The following CDCA7L variants were observed in gnomAD, a reference collection of about 807,000 sequenced individuals.
The protein encoded by CDCA7L is cell division cycle-associated 7-like protein.
CDCA7L carries 44 observed loss-of-function variants against 57.4 expected under a neutral mutation model. The ratio of observed to expected loss-of-function variants is 0.77; its 90% CI spans 0.60 to 0.98. The LOEUF (loss-of-function observed/expected upper bound fraction) is 0.98. Ranked by LOEUF, CDCA7L falls within the 50% of genes least tolerant of loss-of-function variation. The pLI is 0.00. For missense variants in CDCA7L, 644 were observed against 580.6 expected (o/e 1.11, Z -1.12); for synonymous variants, 236 against 202.8 (o/e 1.16, Z -1.39).
At chr7:21,935,636 A>G (rs146015231) in intron 1 of CDCA7L, among the ~76,000 whole-genome samples, 2 of 152,308 alleles carry the variant, frequency 1.3e-5, no homozygotes, top group African/African-American at 4.8e-5. Flanking sequence ...CTTAAGCTAC[A>G]TGACTAGAAA....
In CDCA7L at chr7:21,903,519, T is replaced by C. The variant is rs773692590; in HGVS notation, c.1198-405A>G. Among the ~76,000 whole-genome samples, 20 of 151,808 alleles carry C rather than the reference T, an allele frequency of 1.3e-4. 1 individual carries two copies. Among genetic ancestry groups the C allele is most frequent in the South Asian group, 6.2e-4 (3 of 4,802 alleles). ...ATGACTAACCTGAGCAGCAGTTTGT[T>C]TGTCTGTCAGTTGAGGACCATATAT... On this transcript the variant is annotated intron_variant, in intron 8 of 9. Transcript: ENST00000406877.
At chr7:21,902,424 C>A in intron 9 of CDCA7L, 72 bp from the exon 10 acceptor site, 1 of 1,408,038 alleles carries the variant, frequency 7.1e-7, no homozygotes, top group South Asian at 1.2e-5. Context: ...TTGAGAGATT[C>A]CACAATCATC....
At chr7:21,918,289 C>A (rs893232144) in intron 1 of CDCA7L, among the ~76,000 whole-genome samples, 1 of 152,178 alleles carries the variant, frequency 6.6e-6, no homozygotes, top group Non-Finnish European at 1.5e-5. Flanking sequence ...ATTATCTGCC[C>A]AAGGCTAACT....
At chr7:21,917,003 G>A in intron 1 of CDCA7L, 109 bp from the exon 2 acceptor site, 4 of 1,332,078 alleles carry the variant, frequency 3.0e-6, no homozygotes, top group Non-Finnish European at 3.2e-6. Context: ...AACTGCCACG[G>A]TTGCCCAGAA....
At chr7:21,942,811 AG>A (rs1369483378) in intron 1 of CDCA7L, among the ~76,000 whole-genome samples, 3 of 152,188 alleles carry the variant, frequency 2.0e-5, no homozygotes, top group African/African-American at 7.2e-5. Context: ...AGACTATTAG[AG>A]TGGCAAATCA....
At chr7:21,919,140 G>A (rs1487765659) in intron 1 of CDCA7L, among the ~76,000 whole-genome samples, 1 of 152,118 alleles carries the variant, frequency 6.6e-6, no homozygotes, top group Non-Finnish European at 1.5e-5. Flanking sequence ...ATTAGGGACT[G>A]CAAAAGAGAA....
At position 21,910,538 on chromosome 7, in the gene CDCA7L, G is replaced by A. The variant is rs1583848595; in HGVS notation, c.303+1079C>T. Among the ~76,000 whole-genome samples, 4 of 152,176 alleles carry A rather than the reference G, an allele frequency of 2.6e-5. No homozygotes were observed. The South Asian group carries it at 8.3e-4, about 32-fold the overall frequency. ...AAAAGTTAGTCTTTAGCAGCTTCTG[G>A]CTGTGAAGAGGCGTAAACTCTACGT... On this transcript the variant is annotated intron_variant, in intron 3 of 9. Transcript: ENST00000406877.
At chr7:21,941,532 A>T (rs1472685287) in intron 1 of CDCA7L, among the ~76,000 whole-genome samples, 3 of 152,226 alleles carry the variant, frequency 2.0e-5, no homozygotes. Flanking sequence ...CCTATGTAAA[A>T]GCTTGGTGGA....
Position 21,901,309 on chromosome 7 carries a change from ATGTTGCTGCACTGTTC to A in CDCA7L, c.*997_*1012del. On this transcript the variant is annotated 3_prime_UTR_variant, in exon 10 of 10. Coordinates refer to ENST00000406877, the MANE Select transcript of CDCA7L (RefSeq NM_018719.5). ...TGGAGTGCAGTGAGGATTTTCTAGC[ATGTTGCTGCACTGTTC>A]CCATGCACATTATTCTAACTTTTTA... The A allele has an allele frequency of 6.7e-7, 1 of 1,500,800 alleles. No homozygotes were observed. Among genetic ancestry groups the A allele is most frequent in the South Asian group, 1.4e-5 (1 of 69,640 alleles). 93.0% of individuals were successfully genotyped at this position (1,500,800 alleles called of 1,614,324 possible).
In CDCA7L at chr7:21,908,415, T is replaced by G. The variant is rs767757196; in HGVS notation, c.396A>C (p.Arg132Ser). ...DEEEDKATPR[R>S]SRSRRSSIGL... ...CAATACTACTTCTTCTAGACCTGCT[T>G]CTTCTAGGGGTAGCCTTATCTTCTT... The change falls in exon 4 of 10, where the codon AGA becomes AGC. Residue 132 changes from arginine to serine, a missense_variant. Physicochemically the swap from Arg to Ser is moderately radical, Grantham distance 110 (BLOSUM62 -1). Coordinates refer to ENST00000406877, the MANE Select transcript of CDCA7L (RefSeq NM_018719.5). 4 of 1,600,294 alleles carry G rather than the reference T, an allele frequency of 2.5e-6. No homozygotes were observed. Among genetic ancestry groups the G allele is most frequent in the Non-Finnish European group, 2.6e-6 (3 of 1,176,392 alleles).
At chr7:21,936,486 A>C (rs1440526152) in intron 1 of CDCA7L, among the ~76,000 whole-genome samples, 1 of 152,240 alleles carries the variant, frequency 6.6e-6, no homozygotes, top group Non-Finnish European at 1.5e-5. Context: ...ACCAAGTGGC[A>C]TTTATTCTAG....
intron 1 of CDCA7L, among the ~76,000 whole-genome samples, chr7:21,937,180 G>C (rs545105933): frequency 6.6e-6 from 1 of 152,204 alleles, no homozygotes; most frequent in South Asian, 2.1e-4. Flanking sequence ...CATGTTCATG[G>C]ATTGGAAGGC....
At chr7:21,902,895 G>GCAA in intron 9 of CDCA7L, 83 bp downstream of exon 9, 1 of 1,333,634 alleles carries the variant, frequency 7.5e-7, no homozygotes, top group Non-Finnish European at 1.1e-6. Flanking sequence ...ACACGGGAAG[G>GCAA]CAACAACTAC....
At position 21,902,253 on chromosome 7, in the gene CDCA7L, G is replaced by T; in HGVS notation, c.*69C>A. On this transcript the variant is annotated 3_prime_UTR_variant, in exon 10 of 10. Transcript: ENST00000406877. ...CACAACTGTAAAAAAATCTTTCTTA[G>T]GCACCAATGGTATGCATGTCTTGTT... 4 of 1,368,590 alleles carry T rather than the reference G, an allele frequency of 2.9e-6. No homozygotes were observed. The South Asian group carries it at 4.8e-5, about 16-fold the overall frequency. The allele number at this position is 1,368,590 out of a possible 1,614,324, so 84.8% of individuals were successfully genotyped here.
At chr7:21,905,428 T>TA (rs1785109104) in intron 7 of CDCA7L, 78 bp downstream of exon 7, 2 of 1,495,788 alleles carry the variant, frequency 1.3e-6, no homozygotes, top group Non-Finnish European at 1.8e-6. Flanking sequence ...TAAGCCCTGA[T>TA]AGAGTTTAAA....
In CDCA7L at chr7:21,944,449, C is replaced by CAAAAAAAAAAAAAAAAAA. The variant is rs59373889; in HGVS notation, c.24+1314_24+1331dup. Among the ~76,000 whole-genome samples the CAAAAAAAAAAAAAAAAAA allele has an allele frequency of 1.8e-3, 108 of 61,624 alleles. 8 individuals are homozygous for CAAAAAAAAAAAAAAAAAA. The highest frequency in any genetic ancestry group is 9.3e-3 in the African/African-American group (104 of 11,148). 40.4% of individuals were successfully genotyped at this position (61,624 alleles called of 152,430 possible). A position where few individuals can be genotyped will look rare whatever the true frequency, so the allele number is the denominator to read the frequency against. On this transcript the variant is annotated intron_variant, in intron 1 of 9. Transcript: ENST00000406877. ...CCGGACAAGAGCGAAACTCCGTCTC[C>CAAAAAAAAAAAAAAAAAA]AAAAAAAAAAAAAAAAAAAAAAGGA...
intron 1 of CDCA7L, among the ~76,000 whole-genome samples, chr7:21,925,422 G>C (rs1364606890): frequency 1.3e-5 from 2 of 152,130 alleles, no homozygotes; most frequent in African/African-American, 4.8e-5. Flanking sequence ...ACTGGTATGA[G>C]GACACTGAAC....
intron 1 of CDCA7L, among the ~76,000 whole-genome samples, chr7:21,929,942 T>C (rs1330081793): frequency 6.6e-6 from 1 of 152,178 alleles, no homozygotes; most frequent in Non-Finnish European, 1.5e-5. Context: ...ATTCAGGACT[T>C]GAACACAGCT....
intron 1 of CDCA7L, among the ~76,000 whole-genome samples, chr7:21,931,311 A>C (rs2128067651): frequency 6.6e-6 from 1 of 152,354 alleles, no homozygotes; most frequent in South Asian, 2.1e-4. Flanking sequence ...AAAACCTGGC[A>C]GAGACACAAC....
Sources: allele counts gnomAD v4.1 joint callset (sites outside exome capture counted in the v4.1 genomes callset), GRCh38; gene constraint gnomAD v4.1.1; transcripts MANE v1.5; gene names NCBI Gene and HGNC (gene_info 2026-07-23, HGNC 2026-07-21).